The following PRKN variants were observed in gnomAD, a reference collection of about 807,000 sequenced individuals.
PRKN encodes the protein E3 ubiquitin-protein ligase parkin.
Under a neutral mutation model 59.5 loss-of-function variants are expected in PRKN, and 56 were observed. The ratio of observed to expected loss-of-function variants is 0.94; its 90% CI spans 0.76 to 1.18. The LOEUF (loss-of-function observed/expected upper bound fraction) is 1.18, where lower values mean the gene tolerates loss of function less well. PRKN is among the 50% of genes most tolerant of loss of function. The probability of loss-of-function intolerance (pLI) is 0.00; values close to 1 mark genes in which losing one functional copy is unlikely to be tolerated. For missense variants in PRKN, 657 were observed against 596.4 expected (o/e 1.10, Z -1.06); for synonymous variants, 250 against 222.1 (o/e 1.13, Z -1.12).
At chr6:161,897,879 A>G (rs996436742) in intron 6 of PRKN, among the ~76,000 whole-genome samples, 55 of 144,602 alleles carry the variant, frequency 3.8e-4, no homozygotes, top group Non-Finnish European at 5.4e-4. Flanking sequence ...AGGCAGGAGA[A>G]TGGCGTGAAC....
In PRKN at chr6:162,178,240, A is replaced by G. The variant is rs573989384; in HGVS notation, c.534+22891T>C. 2.0e-5 allele frequency among the ~76,000 whole-genome samples: 3 copies of G among 152,346 alleles called. No individual in the cohort carries two copies. In the East Asian group the frequency reaches 5.8e-4, roughly 29 times the overall value. The stretch of plus-strand genomic sequence containing the variant: ...CGTAAAATGTTAATTGTGGATTGTC[A>G]AACCCTTACTGCAGAGAGGACTTTC... On this transcript the variant is annotated intron_variant, in intron 4 of 11. Transcript: ENST00000366898.
chr6:162,199,814 G>A (rs529501160), intron 4 of PRKN, among the ~76,000 whole-genome samples: 5 of 152,200 alleles, frequency 3.3e-5, no homozygotes, highest in African/African-American at 9.6e-5. Context: ...CTGAGAAGAT[G>A]GATCCATGAT....
At chr6:162,724,202 T>TA (rs1562527058) in intron 1 of PRKN, among the ~76,000 whole-genome samples, 1 of 152,246 alleles carries the variant, frequency 6.6e-6, no homozygotes, top group Non-Finnish European at 1.5e-5. Context: ...TACATTTTTC[T>TA]AAATTGAATT....
intron 3 of PRKN, among the ~76,000 whole-genome samples, chr6:162,252,000 G>T (rs1238138330): frequency 6.6e-6 from 1 of 152,150 alleles, no homozygotes; most frequent in Non-Finnish European, 1.5e-5. Flanking sequence ...GAGTATAAAT[G>T]ACTAAGTCAA....
intron 1 of PRKN, among the ~76,000 whole-genome samples, chr6:162,576,628 A>G (rs1404474664): frequency 2.0e-5 from 3 of 152,138 alleles, no homozygotes; most frequent in Non-Finnish European, 1.5e-5. Context: ...CCTGACCAAC[A>G]TGGTGAAACC....
At chr6:161,761,078 C>A (rs2128198525) in intron 7 of PRKN, among the ~76,000 whole-genome samples, 1 of 152,292 alleles carries the variant, frequency 6.6e-6, no homozygotes, top group East Asian at 1.9e-4. Context: ...AACAGATGTT[C>A]TAGAGAATTA....
chr6:161,862,020 G>A (rs1386922308), intron 6 of PRKN, among the ~76,000 whole-genome samples: 1 of 152,094 alleles, frequency 6.6e-6, no homozygotes, highest in East Asian at 1.9e-4. Context: ...TGGCATTCCT[G>A]GATTTGGGCC....
intron 7 of PRKN, among the ~76,000 whole-genome samples, chr6:161,694,319 A>C (rs564689851): frequency 6.6e-6 from 1 of 152,328 alleles, no homozygotes; most frequent in East Asian, 1.9e-4. Flanking sequence ...CTGACTAGAA[A>C]AAAATCAAAA....
chr6:161,950,381 C>CA (rs1401809043), intron 6 of PRKN, among the ~76,000 whole-genome samples: 2 of 152,052 alleles, frequency 1.3e-5, no homozygotes, highest in East Asian at 3.9e-4. Context: ...CCTGTCTCTA[C>CA]AAAAAATACA....
chr6:161,753,009 T>C (rs753656299), intron 7 of PRKN, among the ~76,000 whole-genome samples: 14 of 152,048 alleles, frequency 9.2e-5, no homozygotes, highest in Non-Finnish European at 2.1e-4. Context: ...AAAGGGTGTG[T>C]GGGTTATGGT....
Position 161,990,100 on chromosome 6 carries a change from C to G in PRKN, c.619-16683G>C, listed in dbSNP as rs567487994. ...AGCCTGCCCTCCCAGCCCACTGCCA[C>G]CACTGCCAGCACATAAGCAGACTAT... On this transcript the variant is annotated intron_variant, in intron 5 of 11. Coordinates refer to ENST00000366898, the MANE Select transcript of PRKN (RefSeq NM_004562.3). 3.3e-5 allele frequency among the ~76,000 whole-genome samples: 5 copies of G among 152,184 alleles called. No individual in the cohort carries two copies. In the South Asian group the frequency reaches 1.0e-3, roughly 32 times the overall value.
At chr6:161,921,726 A>G (rs1778792852) in intron 6 of PRKN, among the ~76,000 whole-genome samples, 1 of 152,196 alleles carries the variant, frequency 6.6e-6, no homozygotes, top group African/African-American at 2.4e-5. Context: ...CCCGTAAAGG[A>G]AAATCATCAT....
intron 1 of PRKN, among the ~76,000 whole-genome samples, chr6:162,632,618 T>C (rs1170265139): frequency 6.6e-6 from 1 of 151,894 alleles, no homozygotes; most frequent in South Asian, 2.1e-4. Flanking sequence ...GTAACAAACC[T>C]ACACATGTAC....
chr6:161,557,791 G>C (rs956536325), intron 8 of PRKN, among the ~76,000 whole-genome samples: 4 of 152,168 alleles, frequency 2.6e-5, no homozygotes, highest in African/African-American at 9.7e-5. Context: ...AGCCATCCAG[G>C]AGCTATGTGG....
chr6:162,627,828 C>T (rs2128222023), intron 1 of PRKN, among the ~76,000 whole-genome samples: 1 of 152,236 alleles, frequency 6.6e-6, no homozygotes, highest in South Asian at 2.1e-4. Flanking sequence ...GGAGAGATGT[C>T]AAGAGTCATC....
At chr6:162,176,746 T>C (rs1260465481) in intron 4 of PRKN, among the ~76,000 whole-genome samples, 3 of 152,044 alleles carry the variant, frequency 2.0e-5, no homozygotes, top group African/African-American at 4.8e-5. Context: ...TAGAACAATA[T>C]ACATGCGACT....
At chr6:162,510,700 T>A (rs1277320643) in intron 1 of PRKN, among the ~76,000 whole-genome samples, 2 of 152,052 alleles carry the variant, frequency 1.3e-5, no homozygotes, top group African/African-American at 4.8e-5. Flanking sequence ...GGCGAGCAGA[T>A]CACTTGAGGT....
intron 1 of PRKN, among the ~76,000 whole-genome samples, chr6:162,612,192 C>CAA (rs796515239): frequency 1.3e-3 from 85 of 64,828 alleles, no homozygotes; most frequent in Middle Eastern, 0.019. Flanking sequence ...GACTCCATCT[C>CAA]AAAAAAAAAA....
chr6:162,268,697 C>T (rs1780241318), intron 2 of PRKN, among the ~76,000 whole-genome samples: 1 of 152,156 alleles, frequency 6.6e-6, no homozygotes, highest in Non-Finnish European at 1.5e-5. Context: ...CAACACCCAG[C>T]TCCCGAGTGT....
Sources: allele counts gnomAD v4.1 joint callset (sites outside exome capture counted in the v4.1 genomes callset), GRCh38; gene constraint gnomAD v4.1.1; transcripts MANE v1.5; gene names NCBI Gene and HGNC (gene_info 2026-07-23, HGNC 2026-07-21).